FBN1: variants seen among roughly 807,000 people sequenced by gnomAD.
The protein encoded by FBN1 is fibrillin-1.
A neutral mutation model predicts 365.1 loss-of-function variants in FBN1; 29 were observed. The ratio of observed to expected loss-of-function variants is 0.08; its 90% CI spans 0.06 to 0.11. The LOEUF is 0.11. Ranked by LOEUF, FBN1 falls within the 10% of genes least tolerant of loss-of-function variation. FBN1 has a pLI of 1.00. For missense variants in FBN1, 2,476 were observed against 3,703.2 expected (o/e 0.67, Z 8.60); for synonymous variants, 1,210 against 1,270.5 (o/e 0.95, Z 1.01).
chr15:48,414,590 G>A (rs2042887431), intron 64 of FBN1, among the ~76,000 whole-genome samples: 1 of 152,132 alleles, frequency 6.6e-6, no homozygotes, highest in East Asian at 1.9e-4. Context: ...TTAAATCACT[G>A]GGTAAAATAA....
chr15:48,434,654 C>T lies in FBN1; in HGVS notation c.6556G>A (p.Gly2186Arg). Residue 2186 changes from glycine (G) to arginine (R), a missense_variant, in exon 54 of 66, where the codon GGA (glycine) becomes AGA (arginine). Physicochemically the swap from Gly to Arg is moderately radical, Grantham distance 125. Around this residue, in one of 5 missense-constraint regions of FBN1, gnomAD observed 1,780 missense variants for 2,840.8 expected, o/e 0.63. Transcript: ENST00000316623. ...CGNGTCKNVIGGFECTCEEGF... is the reference protein window; with the variant it reads ...CGNGTCKNVIRGFECTCEEGF... ...TCCTCGCAGGTGCATTCAAAACCTC[C>T]AATCACATTCTTGCAGGTTCCATTT... is the stretch of plus-strand genomic sequence containing the variant. 6.2e-7 allele frequency: 1 copy of T among 1,613,864 alleles called. No homozygotes were observed. Among genetic ancestry groups the T allele is most frequent in the Non-Finnish European group, 8.5e-7 (1 of 1,179,780 alleles).
At chr15:48,597,330 G>A (rs2044523809) in intron 5 of FBN1, among the ~76,000 whole-genome samples, 1 of 152,178 alleles carries the variant, frequency 6.6e-6, no homozygotes, top group Admixed American at 6.5e-5. Flanking sequence ...TTCATGTCAA[G>A]GGCAGGCTCA....
rs377708566 is a variant in FBN1 at position 48,437,585 on chromosome 15, T to C, written c.6313+183A>G. 112 of 808,182 alleles carry C rather than the reference T, an allele frequency of 1.4e-4. No homozygotes were observed. The South Asian group carries it at 1.7e-3, about 12-fold the overall frequency. The allele number at this position is 808,182 out of a possible 1,614,324, so 50.1% of individuals were successfully genotyped here. The stretch of plus-strand genomic sequence containing the variant: ...CTACTCCTTGGGCATCTGTGATTCA[T>C]GACATAATTAAAAAGAAAATAACTA... On this transcript the variant is annotated intron_variant, in intron 51 of 65. Coordinates refer to ENST00000316623, the MANE Select transcript of FBN1 (RefSeq NM_000138.5).
At position 48,460,343 on chromosome 15, in the gene FBN1, T is replaced by C. The variant is rs200538740; in HGVS notation, c.5225-26A>G. ...CTGCAATGATTAAACAAAGGTGGGA[T>C]GGGAGGATAGGGGTCAGCAAAGAAC... On this transcript the variant is annotated intron_variant, in intron 42 of 65. Transcript: ENST00000316623. 61 of 1,496,662 alleles carry C rather than the reference T, an allele frequency of 4.1e-5. No individual in the cohort carries two copies. In the African/African-American group the frequency reaches 7.7e-4, roughly 19 times the overall value. 92.7% of individuals were successfully genotyped at this position (1,496,662 alleles called of 1,614,324 possible). A position where few individuals can be genotyped will look rare whatever the true frequency, so the allele number is the denominator to read the frequency against.
chr15:48,627,789 G>A (rs865907512), intron 2 of FBN1, among the ~76,000 whole-genome samples: 11 of 152,170 alleles, frequency 7.2e-5, no homozygotes, highest in Admixed American at 6.5e-4. Flanking sequence ...CTCTCAGTGT[G>A]AGTGATGCCA....
At chr15:48,591,859 T>C (rs1161583853) in intron 6 of FBN1, among the ~76,000 whole-genome samples, 1 of 152,132 alleles carries the variant, frequency 6.6e-6, no homozygotes, top group African/African-American at 2.4e-5. Flanking sequence ...TACTACACAG[T>C]GGCTATGTGC....
chr15:48,550,634 T>C (rs1043046713), intron 6 of FBN1, among the ~76,000 whole-genome samples: 2 of 152,290 alleles, frequency 1.3e-5, no homozygotes, highest in Non-Finnish European at 2.9e-5. Context: ...CCTAAATGCC[T>C]TCCCCCTCCA....
At chr15:48,569,706 G>A (rs1489891329) in intron 6 of FBN1, among the ~76,000 whole-genome samples, 1 of 152,074 alleles carries the variant, frequency 6.6e-6, no homozygotes, top group African/African-American at 2.4e-5. Context: ...AATAATATGT[G>A]TTATAAGATT....
At chr15:48,561,284 A>G (rs2044220594) in intron 6 of FBN1, among the ~76,000 whole-genome samples, 1 of 152,196 alleles carries the variant, frequency 6.6e-6, no homozygotes, top group Non-Finnish European at 1.5e-5. Flanking sequence ...CCTAGATTCT[A>G]GAGTATGTGT....
At chr15:48,615,192 A>G (rs1436200298) in intron 2 of FBN1, among the ~76,000 whole-genome samples, 1 of 152,204 alleles carries the variant, frequency 6.6e-6, no homozygotes. Context: ...GCTCCGCTGG[A>G]GATAGTCCAA....
At chr15:48,479,738 C>T (rs1209632689) in intron 32 of FBN1, among the ~76,000 whole-genome samples, 1 of 152,170 alleles carries the variant, frequency 6.6e-6, no homozygotes, top group Admixed American at 6.5e-5. Flanking sequence ...AGCTCTGTTA[C>T]CATGGTCTTA....
At chr15:48,499,634 A>C (rs954254937) in intron 17 of FBN1, among the ~76,000 whole-genome samples, 1 of 152,222 alleles carries the variant, frequency 6.6e-6, no homozygotes, top group Non-Finnish European at 1.5e-5. Flanking sequence ...AAACTGTGAG[A>C]TCATATTGAA....
At chr15:48,572,103 G>A (rs965076080) in intron 6 of FBN1, among the ~76,000 whole-genome samples, 4 of 152,172 alleles carry the variant, frequency 2.6e-5, no homozygotes, top group African/African-American at 9.6e-5. Flanking sequence ...CAGTCACTCA[G>A]GGACCTATGA....
At chr15:48,551,865 C>A (rs1597600970) in intron 6 of FBN1, among the ~76,000 whole-genome samples, 1 of 152,170 alleles carries the variant, frequency 6.6e-6, no homozygotes, top group Admixed American at 6.5e-5. Context: ...GTATAGTATT[C>A]CATGGTGTAT....
chr15:48,448,608 A>G (rs1287433158), intron 46 of FBN1, among the ~76,000 whole-genome samples, 160 bp downstream of exon 46: 1 of 152,200 alleles, frequency 6.6e-6, no homozygotes, highest in Non-Finnish European at 1.5e-5. Context: ...CAGATTGCCA[A>G]AGATTAAATA....
intron 6 of FBN1, among the ~76,000 whole-genome samples, chr15:48,584,873 C>G (rs561818385): frequency 1.3e-5 from 2 of 152,306 alleles, no homozygotes; most frequent in East Asian, 3.9e-4. Flanking sequence ...CTGCTTTTAT[C>G]TTCTCCATAG....
chr15:48,427,061 G>A (rs2042984160), intron 58 of FBN1, among the ~76,000 whole-genome samples: 1 of 152,146 alleles, frequency 6.6e-6, no homozygotes, highest in Admixed American at 6.5e-5. Flanking sequence ...GATATCTCTA[G>A]AGTTGCCTTA....
chr15:48,590,676 T>A (rs1419950253), intron 6 of FBN1, among the ~76,000 whole-genome samples: 2 of 152,232 alleles, frequency 1.3e-5, no homozygotes, highest in African/African-American at 4.8e-5. Context: ...TTCAGCTTCA[T>A]TAAGACTGTA....
At chr15:48,473,297 C>T (rs144802049) in intron 34 of FBN1, among the ~76,000 whole-genome samples, 4 of 152,242 alleles carry the variant, frequency 2.6e-5, no homozygotes, top group Non-Finnish European at 2.9e-5. Context: ...TGAGCCTTAG[C>T]CTCTATTGTG....
Sources: allele counts gnomAD v4.1 joint callset (sites outside exome capture counted in the v4.1 genomes callset), GRCh38; gene constraint gnomAD v4.1.1; regional missense constraint gnomAD v4.1.1; transcripts MANE v1.5; gene names NCBI Gene and HGNC (gene_info 2026-07-23, HGNC 2026-07-21).